Variants in TBC1D5 observed in about 807,000 individuals in gnomAD.
The protein encoded by TBC1D5 is TBC1 domain family member 5.
A neutral mutation model predicts 100.3 loss-of-function variants in TBC1D5; 75 were observed. That is an observed-to-expected ratio of 0.75 (90% CI 0.62 to 0.91). The LOEUF is 0.91. TBC1D5 is among the 40% of genes least tolerant of loss of function. The probability of loss-of-function intolerance (pLI) is 0.00; values close to 1 mark genes in which losing one functional copy is unlikely to be tolerated. For missense variants in TBC1D5, 910 were observed against 942.4 expected, an observed-to-expected ratio of 0.97 and a Z score of 0.45; for synonymous variants, 323 against 325.6, an observed-to-expected ratio of 0.99 and a Z score of 0.09.
intron 3 of TBC1D5, among the ~76,000 whole-genome samples, chr3:17,459,710 C>A (rs370081612): frequency 6.9e-6 from 1 of 145,712 alleles, no homozygotes; most frequent in Non-Finnish European, 1.5e-5. Flanking sequence ...CCAGCCTGGG[C>A]AACATTAGTG....
intron 13 of TBC1D5, among the ~76,000 whole-genome samples, chr3:17,358,302 A>G (rs1449458569): frequency 6.6e-6 from 1 of 152,140 alleles, no homozygotes; most frequent in African/African-American, 2.4e-5. Context: ...CTCCTGCCTC[A>G]GCCTCCTGAG....
intron 3 of TBC1D5, among the ~76,000 whole-genome samples, chr3:17,473,300 T>A (rs1218461532): frequency 6.6e-6 from 1 of 152,112 alleles, no homozygotes; most frequent in Non-Finnish European, 1.5e-5. Context: ...TAATCACAGA[T>A]TTAATAAAAG....
intron 15 of TBC1D5, among the ~76,000 whole-genome samples, chr3:17,274,005 A>T (rs1229347096): frequency 2.4e-5 from 2 of 84,000 alleles, no homozygotes; most frequent in African/African-American, 4.7e-5. Context: ...GTTTAACTGT[A>T]TTTAATTAAA....
At chr3:17,583,683 C>G (rs1315112780) in intron 2 of TBC1D5, among the ~76,000 whole-genome samples, 1 of 152,130 alleles carries the variant, frequency 6.6e-6, no homozygotes, top group Non-Finnish European at 1.5e-5. Context: ...GCCAAGATTG[C>G]GCCACTGCAT....
At chr3:17,342,445 T>A (rs1374202042) in intron 13 of TBC1D5, among the ~76,000 whole-genome samples, 1 of 152,212 alleles carries the variant, frequency 6.6e-6, no homozygotes, top group Admixed American at 6.5e-5. Flanking sequence ...GCTAATTTCT[T>A]CTACACACCA....
chr3:17,266,501 T>C (rs2078864476), intron 15 of TBC1D5, among the ~76,000 whole-genome samples: 1 of 152,178 alleles, frequency 6.6e-6, no homozygotes, highest in Admixed American at 6.5e-5. Context: ...TATATTGAGC[T>C]GTACCTTCCT....
At chr3:17,682,854 C>T (rs1251402781) in intron 1 of TBC1D5, among the ~76,000 whole-genome samples, 1 of 151,434 alleles carries the variant, frequency 6.6e-6, no homozygotes, top group African/African-American at 2.5e-5. Context: ...ATATAGTACC[C>T]TACCGGTCAC....
chr3:17,311,610 T>C (rs1389616682), intron 13 of TBC1D5, among the ~76,000 whole-genome samples: 1 of 152,084 alleles, frequency 6.6e-6, no homozygotes, highest in Non-Finnish European at 1.5e-5. Flanking sequence ...CCAATTTGAC[T>C]GAGCTTTAAA....
chr3:17,483,238 A>G (rs531999478), intron 3 of TBC1D5, among the ~76,000 whole-genome samples: 39 of 152,260 alleles, frequency 2.6e-4, no homozygotes, highest in Non-Finnish European at 3.7e-4. Flanking sequence ...TAAGAACTGC[A>G]AGTTGTTATA....
rs2066785166 is a variant in TBC1D5 at position 17,167,771 on chromosome 3, A to T, written c.1910T>A (p.Val637Asp). The T allele has an allele frequency of 2.5e-6, 4 of 1,613,476 alleles. No homozygotes were observed. The highest frequency in any genetic ancestry group is 3.4e-6 in the Non-Finnish European group (4 of 1,179,750). Residue 637 changes from valine to aspartate, a missense_variant, in exon 20 of 22, where the codon GTT (valine) becomes GAT (aspartate). Physicochemically the swap from Val to Asp is radical, Grantham distance 152. Transcript: ENST00000253692. ...TACCTGTTTTAATCCTGCCAGGGAA[A>T]CCAGAATTTGATCTTCTTTTTCCAA...
chr3:17,311,247 A>G (rs1267779777), intron 13 of TBC1D5, among the ~76,000 whole-genome samples: 10 of 152,050 alleles, frequency 6.6e-5, no homozygotes, highest in Non-Finnish European at 1.0e-4. Context: ...TAATTGCTTT[A>G]TACTATCAAT....
intron 13 of TBC1D5, among the ~76,000 whole-genome samples, chr3:17,364,320 A>ATGTACTCAAAAATTATTTGCTGAG (rs2151930141): frequency 6.6e-6 from 1 of 152,020 alleles, no homozygotes; most frequent in East Asian, 1.9e-4. Flanking sequence ...CCATCTTCTC[A>ATGTACTCAAAAATTATTTGCTGAG]TGTACTCAAA....
chr3:17,336,113 T>C (rs558483271), intron 13 of TBC1D5, among the ~76,000 whole-genome samples: 1 of 152,112 alleles, frequency 6.6e-6, no homozygotes, highest in East Asian at 1.9e-4. Flanking sequence ...AACAATAACA[T>C]TAAAATTTTA....
At chr3:17,373,832 T>A (rs1372286368) in intron 12 of TBC1D5, among the ~76,000 whole-genome samples, 1 of 152,090 alleles carries the variant, frequency 6.6e-6, no homozygotes, top group African/African-American at 2.4e-5. Flanking sequence ...ATATTAGTGA[T>A]GCCAGGGCCT....
intron 4 of TBC1D5, among the ~76,000 whole-genome samples, chr3:17,414,596 A>G (rs1243097342): frequency 1.3e-5 from 2 of 152,248 alleles, no homozygotes; most frequent in Non-Finnish European, 2.9e-5. Flanking sequence ...GTATGTCAGC[A>G]TAAGACTGTA....
chr3:17,699,499 T>A (rs2072786671), intron 1 of TBC1D5, among the ~76,000 whole-genome samples: 2 of 143,812 alleles, frequency 1.4e-5, no homozygotes, highest in Non-Finnish European at 3.0e-5. Context: ...CATATGTAAC[T>A]AACCTGCACA....
chr3:17,252,292 G>A (rs543416254), intron 16 of TBC1D5, among the ~76,000 whole-genome samples: 10 of 152,094 alleles, frequency 6.6e-5, no homozygotes, highest in Non-Finnish European at 1.5e-4. Flanking sequence ...AACAGAGATG[G>A]AAGAAACCAA....
chr3:17,167,818 T>G, exon 20 of TBC1D5: 1 of 1,601,492 alleles, frequency 6.2e-7, no homozygotes, highest in Non-Finnish European at 8.5e-7. Flanking sequence ...ATATCACATC[T>G]TGAATATTTA....
chr3:17,332,549 G>A (rs1300930311), intron 13 of TBC1D5, among the ~76,000 whole-genome samples: 1 of 151,964 alleles, frequency 6.6e-6, no homozygotes. Context: ...AGATCACTTA[G>A]GGAAACAGAG....
Sources: allele counts gnomAD v4.1 joint callset (sites outside exome capture counted in the v4.1 genomes callset), GRCh38; gene constraint gnomAD v4.1.1; transcripts MANE v1.5; gene names NCBI Gene and HGNC (gene_info 2026-07-23, HGNC 2026-07-21).